Variants in LRRTM4 observed in about 807,000 individuals in gnomAD.
LRRTM4 encodes leucine rich repeat transmembrane neuronal 4, also known as leucine-rich repeat transmembrane neuronal protein 4.
Under a neutral mutation model 47.6 loss-of-function variants are expected in LRRTM4, and 25 were observed. That is an observed-to-expected ratio of 0.53 (90% CI 0.38 to 0.73). The LOEUF (loss-of-function observed/expected upper bound fraction) is 0.73. LRRTM4 is among the 30% of genes least tolerant of loss of function. The pLI, the probability that LRRTM4 is intolerant of heterozygous loss-of-function variation, is 0.00. For missense variants in LRRTM4, 638 were observed against 713.4 expected, an observed-to-expected ratio of 0.89 and a Z score of 1.20; for synonymous variants, 311 against 269.5, an observed-to-expected ratio of 1.15 and a Z score of -1.51.
chr2:77,359,716 C>T (rs1352773020), intron 3 of LRRTM4, among the ~76,000 whole-genome samples: 2 of 152,182 alleles, frequency 1.3e-5, no homozygotes, highest in Non-Finnish European at 2.9e-5. Context: ...CCACTATACA[C>T]AATTGCCTTA....
chr2:76,838,416 T>A (rs574469924), intron 3 of LRRTM4, among the ~76,000 whole-genome samples: 5 of 152,086 alleles, frequency 3.3e-5, no homozygotes, highest in Non-Finnish European at 7.4e-5. Context: ...TAGAAATTGT[T>A]GAGTAGGGAC....
At chr2:77,065,896 G>T (rs1243634007) in intron 3 of LRRTM4, among the ~76,000 whole-genome samples, 4 of 152,134 alleles carry the variant, frequency 2.6e-5, no homozygotes, top group Admixed American at 6.6e-5. Flanking sequence ...CACATGAAAT[G>T]AGATCATACA....
chr2:77,155,894 T>A (rs1672547767), intron 3 of LRRTM4, among the ~76,000 whole-genome samples: 1 of 152,246 alleles, frequency 6.6e-6, no homozygotes, highest in Non-Finnish European at 1.5e-5. Context: ...ACCTTTTAAG[T>A]TTCTCACCAC....
chr2:77,217,304 T>A (rs1674477718), intron 3 of LRRTM4, among the ~76,000 whole-genome samples: 1 of 148,074 alleles, frequency 6.8e-6, no homozygotes, highest in African/African-American at 2.5e-5. Flanking sequence ...GATATTAACA[T>A]TTAATAATAC....
intron 3 of LRRTM4, among the ~76,000 whole-genome samples, chr2:77,173,760 C>T (rs1195580115): frequency 6.6e-6 from 1 of 152,136 alleles, no homozygotes; most frequent in Non-Finnish European, 1.5e-5. Context: ...TTCTCACAGC[C>T]TCCACGCCCC....
At chr2:77,092,892 T>A (rs1326794491) in intron 3 of LRRTM4, among the ~76,000 whole-genome samples, 1 of 146,756 alleles carries the variant, frequency 6.8e-6, no homozygotes, top group African/African-American at 2.7e-5. Context: ...TAGAATGGAC[T>A]AAAGGTCTTT....
intron 3 of LRRTM4, among the ~76,000 whole-genome samples, chr2:76,786,812 A>G (rs1303451229): frequency 6.6e-6 from 1 of 152,162 alleles, no homozygotes; most frequent in East Asian, 1.9e-4. Context: ...CATTTAAAGA[A>G]TACAGAAGGA....
intron 3 of LRRTM4, among the ~76,000 whole-genome samples, chr2:76,801,407 C>T (rs536918633): frequency 4.7e-4 from 71 of 151,872 alleles, no homozygotes; most frequent in South Asian, 2.7e-3. Context: ...AGTAAACTAT[C>T]GCAAGAACAA....
chr2:76,821,204 G>T (rs1671044638), intron 3 of LRRTM4, among the ~76,000 whole-genome samples: 1 of 151,556 alleles, frequency 6.6e-6, no homozygotes, highest in South Asian at 2.1e-4. Flanking sequence ...GCAAAACAAA[G>T]CCAAAACTTT....
chr2:77,135,400 G>C (rs1169485077), intron 3 of LRRTM4, among the ~76,000 whole-genome samples: 1 of 152,160 alleles, frequency 6.6e-6, no homozygotes, highest in African/African-American at 2.4e-5. Context: ...AGAGTTATCA[G>C]TGAGGAGTTC....
intron 3 of LRRTM4, among the ~76,000 whole-genome samples, chr2:76,810,049 A>C (rs1670687487): frequency 6.6e-6 from 1 of 152,146 alleles, no homozygotes; most frequent in Non-Finnish European, 1.5e-5. Flanking sequence ...ATTATGTTCC[A>C]TATTGATTTA....
intron 3 of LRRTM4, among the ~76,000 whole-genome samples, chr2:77,053,627 T>C (rs572671576): frequency 1.3e-5 from 2 of 152,256 alleles, no homozygotes; most frequent in Admixed American, 6.5e-5. Context: ...AGTTAGGGTA[T>C]TGATCTGTAG....
intron 3 of LRRTM4, among the ~76,000 whole-genome samples, chr2:77,058,868 C>T (rs1679694067): frequency 6.6e-6 from 1 of 151,778 alleles, no homozygotes; most frequent in South Asian, 2.1e-4. Context: ...ATACTTAGTT[C>T]CTTTGAATCT....
intron 3 of LRRTM4, among the ~76,000 whole-genome samples, chr2:76,966,043 C>T (rs1038857887): frequency 1.3e-5 from 2 of 151,468 alleles, no homozygotes; most frequent in Non-Finnish European, 3.0e-5. Context: ...TCGTTCCTAT[C>T]ATATGACAAC....
intron 3 of LRRTM4, among the ~76,000 whole-genome samples, chr2:76,818,788 A>T (rs1361627968): frequency 6.6e-6 from 1 of 151,796 alleles, no homozygotes; most frequent in Non-Finnish European, 1.5e-5. Context: ...TATTCAAAAA[A>T]ACCAGTTAAT....
At chr2:76,929,880 T>C (rs1019809607) in intron 3 of LRRTM4, among the ~76,000 whole-genome samples, 1 of 152,080 alleles carries the variant, frequency 6.6e-6, no homozygotes, top group Admixed American at 6.6e-5. Context: ...TAGGTGAATA[T>C]GTTTTGTACT....
chr2:77,100,791 AAG>A (rs1670931876), intron 3 of LRRTM4, among the ~76,000 whole-genome samples: 1 of 152,132 alleles, frequency 6.6e-6, no homozygotes, highest in Admixed American at 6.6e-5. Flanking sequence ...TTTAATCACT[AAG>A]AGATCATACA....
At chr2:77,338,744 G>T (rs966539579) in intron 3 of LRRTM4, among the ~76,000 whole-genome samples, 1 of 151,946 alleles carries the variant, frequency 6.6e-6, no homozygotes, top group Non-Finnish European at 1.5e-5. Context: ...CAATCCCATT[G>T]CTAAGTATAT....
In LRRTM4 at chr2:76,879,056, A is replaced by G. The variant is rs1672856750; in HGVS notation, c.1552-130140T>C. Among the ~76,000 whole-genome samples the G allele has an allele frequency of 2.0e-5, 3 of 152,220 alleles. No individual in the cohort carries two copies. The South Asian group carries it at 6.2e-4, about 32-fold the overall frequency. On this transcript the variant is annotated intron_variant, in intron 3 of 3. Transcript: ENST00000409884. ...TTCGAAGCTAGCAGAGGCTGGTTCA[A>G]AAGGCTAAAGGGAAAGCCATTTCCA...
Sources: gnomAD v4.1 joint callset for allele counts (sites outside exome capture counted in the v4.1 genomes callset) on GRCh38, gnomAD v4.1.1 for gene constraint, MANE v1.5 for transcripts, NCBI Gene and HGNC (gene_info 2026-07-23, HGNC 2026-07-21) for gene names.